TRAPPC9: variants seen among roughly 807,000 people sequenced by gnomAD.
TRAPPC9 encodes the protein IKK2 binding protein.
In TRAPPC9, 83 loss-of-function variants were observed where a neutral mutation model predicts 124.0. That is an observed-to-expected ratio of 0.67 (90% confidence interval 0.56 to 0.80). TRAPPC9 has a LOEUF of 0.80. Among genes scored for constraint, TRAPPC9 ranks in the 30% least tolerant of loss-of-function variants. TRAPPC9 has a pLI of 0.00. For missense variants in TRAPPC9, 1,302 were observed against 1,508.3 expected (o/e 0.86, Z 2.27); for synonymous variants, 638 against 617.5 (o/e 1.03, Z -0.49).
intron 17 of TRAPPC9, among the ~76,000 whole-genome samples, chr8:140,050,384 C>A (rs1381280932): frequency 6.6e-6 from 1 of 152,202 alleles, no homozygotes; most frequent in East Asian, 1.9e-4. Context: ...GATGTGCACA[C>A]ACCATCTCAT....
chr8:140,271,820 A>C (rs2064893226), intron 15 of TRAPPC9, among the ~76,000 whole-genome samples: 1 of 152,232 alleles, frequency 6.6e-6, no homozygotes, highest in Non-Finnish European at 1.5e-5. Flanking sequence ...TTAGGCAGAG[A>C]AGTGGCTAGA....
chr8:140,073,373 A>T (rs1246626646), intron 17 of TRAPPC9, among the ~76,000 whole-genome samples: 1 of 152,272 alleles, frequency 6.6e-6, no homozygotes, highest in East Asian at 1.9e-4. Flanking sequence ...TAATTGAGCA[A>T]TAAAAAGAAA....
In TRAPPC9 at chr8:140,257,820, A is replaced by G. The variant is rs138516255; in HGVS notation, c.2279-4891T>C. Among the ~76,000 whole-genome samples the G allele has an allele frequency of 9.9e-5, 15 of 152,260 alleles. No homozygotes were observed. In the East Asian group the frequency reaches 2.9e-3, roughly 29 times the overall value. ...CCGCCATGCCTGCAAACACCTGCAC[A>G]TGCCTCCAGGACAGGCTCCAGCACT... On this transcript the variant is annotated intron_variant, in intron 15 of 22. Coordinates refer to ENST00000438773, the MANE Select transcript of TRAPPC9 (RefSeq NM_001160372.4). This position sits in a 1 kb window ranked among gnomAD's most constrained non-coding sequence, Gnocchi z 4.6.
At chr8:139,930,449 C>T (rs1274511069) in intron 19 of TRAPPC9, among the ~76,000 whole-genome samples, 3 of 152,140 alleles carry the variant, frequency 2.0e-5, no homozygotes, top group Non-Finnish European at 4.4e-5. Flanking sequence ...ACAAGGGGGT[C>T]GATGACTAGA....
chr8:140,450,772 G>A lies in TRAPPC9; in HGVS notation c.584+18C>T, dbSNP rs1380874026. On this transcript the variant is annotated intron_variant, in intron 2 of 22. Coordinates refer to ENST00000438773, the MANE Select transcript of TRAPPC9 (RefSeq NM_001160372.4). The stretch of plus-strand genomic sequence containing the variant: ...GATGCAGGGAAGCCAAGGGGCCTGG[G>A]TCTCTAGGTAAGCTTACCTGCTGTC... 1 of 1,586,088 alleles carries A rather than the reference G, an allele frequency of 6.3e-7. No homozygotes were observed. The highest frequency in any genetic ancestry group is 2.3e-5 in the East Asian group (1 of 44,320).
intron 20 of TRAPPC9, among the ~76,000 whole-genome samples, chr8:139,906,977 G>A (rs1587165443): frequency 6.6e-6 from 1 of 151,826 alleles, no homozygotes; most frequent in Non-Finnish European, 1.5e-5. Flanking sequence ...CTACGTGAAC[G>A]GGAATGGGCT....
At chr8:140,320,023 T>C (rs1231373566) in intron 9 of TRAPPC9, among the ~76,000 whole-genome samples, 1 of 152,142 alleles carries the variant, frequency 6.6e-6, no homozygotes, top group Non-Finnish European at 1.5e-5. Context: ...GGGAAAGAAG[T>C]ACATCTTTTT....
intron 20 of TRAPPC9, among the ~76,000 whole-genome samples, chr8:139,895,873 C>G (rs1448143241): frequency 6.6e-5 from 10 of 152,218 alleles, no homozygotes; most frequent in Admixed American, 6.5e-4. Context: ...TCACACCAGG[C>G]TTTGGAGGCA....
intron 15 of TRAPPC9, among the ~76,000 whole-genome samples, chr8:140,269,990 C>T (rs2064826220): frequency 6.6e-6 from 1 of 152,094 alleles, no homozygotes; most frequent in Non-Finnish European, 1.5e-5. Context: ...ATCCCAGTTA[C>T]TCAGGAGGCT....
intron 21 of TRAPPC9, among the ~76,000 whole-genome samples, chr8:139,813,615 T>G (rs898669): frequency 6.6e-6 from 1 of 152,050 alleles, no homozygotes; most frequent in Non-Finnish European, 1.5e-5. Context: ...CCATGAGGCC[T>G]GAAGAGCTGC....
At chr8:140,058,116 T>TA (rs1258982125) in intron 17 of TRAPPC9, among the ~76,000 whole-genome samples, 2 of 152,192 alleles carry the variant, frequency 1.3e-5, no homozygotes, top group Non-Finnish European at 2.9e-5. Flanking sequence ...TGTTTGGTTT[T>TA]AGAAAATTCC....
chr8:140,408,142 A>T lies in TRAPPC9; in HGVS notation c.887-2444T>A, dbSNP rs532439996. 8.1e-4 allele frequency among the ~76,000 whole-genome samples: 124 copies of T among 152,306 alleles called. 1 individual carries two copies. The highest frequency in any genetic ancestry group is 2.9e-3 in the African/African-American group (122 of 41,560). ...CATCTGTAAAGTTGTGACAGCCCGT[A>T]TGAGATGTCATCATGAACTAGTGGA... On this transcript the variant is annotated intron_variant, in intron 5 of 22. Transcript: ENST00000438773.
chr8:140,123,476 TCCCTG>T (rs2061025118), intron 17 of TRAPPC9, among the ~76,000 whole-genome samples: 1 of 152,046 alleles, frequency 6.6e-6, no homozygotes, highest in Admixed American at 6.6e-5. Context: ...ACATCTGCTC[TCCCTG>T]CCCTGCCCTC....
intron 19 of TRAPPC9, among the ~76,000 whole-genome samples, chr8:139,977,133 G>A (rs886524904): frequency 3.3e-5 from 5 of 151,998 alleles, no homozygotes; most frequent in East Asian, 1.9e-4. Context: ...ATTTTGTTTC[G>A]AGCCATGCAG....
chr8:139,894,860 C>T (rs1830565306), intron 20 of TRAPPC9, among the ~76,000 whole-genome samples: 3 of 152,176 alleles, frequency 2.0e-5, no homozygotes, highest in Admixed American at 2.0e-4. Context: ...GAAGAAAACG[C>T]TCCCACTGGC....
chr8:140,061,760 A>G (rs1428660214), intron 17 of TRAPPC9, among the ~76,000 whole-genome samples: 1 of 152,194 alleles, frequency 6.6e-6, no homozygotes, highest in Admixed American at 6.5e-5. Flanking sequence ...CTGAGAATGG[A>G]GCAGCAGTCA....
chr8:140,149,156 G>A (rs2061503918), intron 17 of TRAPPC9, among the ~76,000 whole-genome samples: 1 of 152,092 alleles, frequency 6.6e-6, no homozygotes, highest in Admixed American at 6.5e-5. Flanking sequence ...AGGCATCCGA[G>A]ATGTCACCCT....
rs749550999 is a variant in TRAPPC9 at position 140,451,001 on chromosome 8, CG to C, written c.372del (p.Ile124MetfsTer65). Reference sequence around the variant, plus strand: ...GCCACGTCGGTGCGCGGCTGCTCCACGATCTCCCCCTGCAGCCCGAAGACAA... The same window carrying C: ...GCCACGTCGGTGCGCGGCTGCTCCACATCTCCCCCTGCAGCCCGAAGACAA... Reference protein sequence around the residue: ...RLFVFGLQGEIVEQPRTDVAF... With the variant: ...RLFVFGLQGEXVEQPRTDVAF... On this transcript the variant is annotated frameshift_variant, in exon 2 of 23. Transcript: ENST00000438773. LOFTEE classifies it high-confidence loss of function. 6 of 1,614,010 alleles carry C rather than the reference CG, an allele frequency of 3.7e-6. No individual in the cohort carries two copies. The highest frequency in any genetic ancestry group is 4.2e-6 in the Non-Finnish European group (5 of 1,180,038).
chr8:139,970,972 G>A (rs1371119813), intron 19 of TRAPPC9, among the ~76,000 whole-genome samples: 1 of 148,326 alleles, frequency 6.7e-6, no homozygotes, highest in South Asian at 2.1e-4. Context: ...CACCTGCCCT[G>A]TGGCCCAAAC....
Sources: allele counts gnomAD v4.1 joint callset (sites outside exome capture counted in the v4.1 genomes callset), GRCh38; gene constraint gnomAD v4.1.1; non-coding constraint Gnocchi (gnomAD v3.1); transcripts MANE v1.5; gene names NCBI Gene and HGNC (gene_info 2026-07-23, HGNC 2026-07-21).